The following PPP1R21 variants were observed in gnomAD, a reference collection of about 807,000 sequenced individuals.
The protein encoded by PPP1R21 is protein phosphatase 1 regulatory subunit 21, also known as KLRAQ motif containing 1.
A neutral mutation model predicts 112.8 loss-of-function variants in PPP1R21; 85 were observed. The observed-to-expected ratio is 0.75, with a 90% CI of 0.63 to 0.90. PPP1R21 has a LOEUF of 0.90. Ranked by LOEUF, PPP1R21 falls within the 40% of genes least tolerant of loss-of-function variation. The pLI is 0.00. For synonymous variants in PPP1R21, 381 were observed against 322.3 expected (o/e 1.18, Z -1.95); for missense variants, 1,199 against 901.5 (o/e 1.33, Z -4.23).
At chr2:48,492,635 T>C (rs186706146) in intron 15 of PPP1R21, among the ~76,000 whole-genome samples, 2 of 152,362 alleles carry the variant, frequency 1.3e-5, no homozygotes, top group East Asian at 3.9e-4. Context: ...AGTAGAATGT[T>C]GTAGGCCATG....
At chr2:48,482,467 A>G (rs1344846211) in intron 13 of PPP1R21, among the ~76,000 whole-genome samples, 1 of 152,208 alleles carries the variant, frequency 6.6e-6, no homozygotes, top group Non-Finnish European at 1.5e-5. Context: ...GTAAGTGGGT[A>G]TAGCATCACA....
intron 8 of PPP1R21, 74 bp downstream of exon 8, chr2:48,465,063 G>A: frequency 8.4e-7 from 1 of 1,197,468 alleles, no homozygotes; most frequent in Non-Finnish European, 1.2e-6. Flanking sequence ...AATTAGTTGT[G>A]TTTGGACCTC....
At chr2:48,454,827 A>G in intron 3 of PPP1R21, 86 bp downstream of exon 3, 1 of 1,002,268 alleles carries the variant, frequency 1.0e-6, no homozygotes, top group South Asian at 1.4e-5. Context: ...AGAAGACCCC[A>G]CTGCCGAATT....
chr2:48,442,884 G>A (rs938390848), intron 1 of PPP1R21, among the ~76,000 whole-genome samples: 1 of 152,160 alleles, frequency 6.6e-6, no homozygotes, highest in Admixed American at 6.6e-5. Context: ...TTTGAGTAAT[G>A]GAGAGATGCC....
At chr2:48,473,877 T>C (rs777932014) in intron 11 of PPP1R21, among the ~76,000 whole-genome samples, 1 of 152,234 alleles carries the variant, frequency 6.6e-6, no homozygotes, top group Non-Finnish European at 1.5e-5. Flanking sequence ...ATGCATTTTA[T>C]GAATGTTAAG....
At chr2:48,481,113 C>G (rs1668991496) in intron 13 of PPP1R21, among the ~76,000 whole-genome samples, 1 of 152,214 alleles carries the variant, frequency 6.6e-6, no homozygotes, top group South Asian at 2.1e-4. Context: ...CTCAGCCTCC[C>G]AAGTAGCTGG....
At chr2:48,447,450 A>G (rs948970466) in intron 1 of PPP1R21, among the ~76,000 whole-genome samples, 1 of 152,338 alleles carries the variant, frequency 6.6e-6, no homozygotes, top group South Asian at 2.1e-4. Context: ...AATAAGCTCT[A>G]TCATCTGCAG....
rs575850881 is a variant in PPP1R21 at position 48,496,302 on chromosome 2, G to C, written c.1692+531G>C. Among the ~76,000 whole-genome samples the C allele has an allele frequency of 1.1e-4, 16 of 152,196 alleles. No individual in the cohort carries two copies. The South Asian group carries it at 2.3e-3, about 22-fold the overall frequency. On this transcript the variant is annotated intron_variant, in intron 16 of 21. Coordinates refer to ENST00000294952, the MANE Select transcript of PPP1R21 (RefSeq NM_001135629.3). ...TACAGTAAATGGAATCTCTCTCTCT[G>C]ATCTTCTCTTGCCCTCTTTTAACTT...
rs899524206 is a variant in PPP1R21 at position 48,480,041 on chromosome 2, C to T, written c.1318+25C>T. ...GGTAGGCCTTGAAAAAGAACGTAAGCTTAAAACCTTTGCCCCACTTTCTTC... is the reference window on the plus strand; with the variant it reads ...GGTAGGCCTTGAAAAAGAACGTAAGTTTAAAACCTTTGCCCCACTTTCTTC... On this transcript the variant is annotated intron_variant, in intron 13 of 21. Coordinates refer to ENST00000294952, the MANE Select transcript of PPP1R21 (RefSeq NM_001135629.3). 4 of 1,484,440 alleles carry T rather than the reference C, an allele frequency of 2.7e-6. No individual in the cohort carries two copies. In the African/African-American group the frequency reaches 5.5e-5, roughly 20 times the overall value. The allele number at this position is 1,484,440 out of a possible 1,614,324, so 92.0% of individuals were successfully genotyped here.
chr2:48,508,558 C>T (rs1008620290), intron 19 of PPP1R21, among the ~76,000 whole-genome samples: 1 of 152,152 alleles, frequency 6.6e-6, no homozygotes, highest in African/African-American at 2.4e-5. Context: ...AGGGGGAGGA[C>T]AGCAAACTGA....
Position 48,479,991 on chromosome 2 carries a change from G to C in PPP1R21, c.1293G>C (p.Leu431=). The change falls in exon 13 of 22, where the codon CTG becomes CTC. Residue 431 remains leucine, a synonymous_variant. Coordinates refer to ENST00000294952, the MANE Select transcript of PPP1R21 (RefSeq NM_001135629.3). Reference sequence around the variant, plus strand: ...TGTTAACAAATGTTGGTGCTGCTCTGCATGGATTTCATGACGTTATGAAAG... The same window carrying C: ...TGTTAACAAATGTTGGTGCTGCTCTCCATGGATTTCATGACGTTATGAAAG... ...SSVLTNVGAA[L]HGFHDVMKDI... 6.2e-7 allele frequency: 1 copy of C among 1,612,444 alleles called. No homozygotes were observed. The highest frequency in any genetic ancestry group is 8.5e-7 in the Non-Finnish European group (1 of 1,178,494).
intron 8 of PPP1R21, among the ~76,000 whole-genome samples, 194 bp downstream of exon 8, chr2:48,465,183 C>G (rs1668146030): frequency 6.6e-6 from 1 of 152,132 alleles, no homozygotes; most frequent in Non-Finnish European, 1.5e-5. Context: ...CAGATTTTTG[C>G]TATCTCCCTT....
intron 1 of PPP1R21, among the ~76,000 whole-genome samples, chr2:48,450,466 G>C (rs1417556821): frequency 6.6e-6 from 1 of 152,204 alleles, no homozygotes; most frequent in Admixed American, 6.5e-5. Context: ...AGTTGCTTTT[G>C]TACACTGCCC....
At chr2:48,476,265 A>C (rs1213453782) in intron 12 of PPP1R21, among the ~76,000 whole-genome samples, 1 of 152,232 alleles carries the variant, frequency 6.6e-6, no homozygotes, top group Non-Finnish European at 1.5e-5. Context: ...GATTCATAAA[A>C]GTTGTAGCAT....
At chr2:48,488,061 A>G (rs1285307218) in intron 14 of PPP1R21, among the ~76,000 whole-genome samples, 1 of 152,210 alleles carries the variant, frequency 6.6e-6, no homozygotes, top group Non-Finnish European at 1.5e-5. Context: ...AGTGATTTGC[A>G]GTAGTCAGAA....
At chr2:48,464,770 C>T (rs933196676) in intron 7 of PPP1R21, among the ~76,000 whole-genome samples, 167 bp from the exon 8 acceptor site, 3 of 152,018 alleles carry the variant, frequency 2.0e-5, no homozygotes, top group Non-Finnish European at 4.4e-5. Flanking sequence ...ATTACTTTAT[C>T]TGAGAAACCA....
At chr2:48,441,451 C>T (rs1403609224) in intron 1 of PPP1R21, 2 of 230,688 alleles carry the variant, frequency 8.7e-6, no homozygotes, top group Non-Finnish European at 9.3e-6. Flanking sequence ...ATTTATCTTC[C>T]CCCGAATCAA....
chr2:48,480,049 C>T (rs1191544555), intron 13 of PPP1R21, 33 bp downstream of exon 13: 2 of 1,382,368 alleles, frequency 1.4e-6, no homozygotes, highest in Admixed American at 1.7e-5. Context: ...AGCTTAAAAC[C>T]TTTGCCCCAC....
chr2:48,509,979 C>G, intron 19 of PPP1R21, 36 bp from the exon 20 acceptor site: 1 of 1,505,802 alleles, frequency 6.6e-7, no homozygotes, highest in Non-Finnish European at 9.0e-7. Context: ...TTAGAAAGTG[C>G]TCCCTCTAGT....
Sources: allele counts gnomAD v4.1 joint callset (sites outside exome capture counted in the v4.1 genomes callset), GRCh38; gene constraint gnomAD v4.1.1; transcripts MANE v1.5; gene names NCBI Gene and HGNC (gene_info 2026-07-23, HGNC 2026-07-21).